Variants in SLC25A25 observed in about 807,000 individuals in gnomAD.
SLC25A25 encodes the protein solute carrier family 25 member 25.
In SLC25A25, 32 loss-of-function variants were observed where a neutral mutation model predicts 57.7. That is an observed-to-expected ratio of 0.55 (90% CI 0.42 to 0.74). The LOEUF is 0.74. Among genes scored for constraint, SLC25A25 ranks in the 30% least tolerant of loss-of-function variants. SLC25A25 has a pLI of 0.00. For synonymous variants in SLC25A25, 306 were observed against 291.2 expected, an observed-to-expected ratio of 1.05 and a Z score of -0.52; for missense variants, 556 against 701.3, an observed-to-expected ratio of 0.79 and a Z score of 2.34.
rs1564200661 is a variant in SLC25A25 at position 128,108,918 on chromosome 9, C to CT, written c.*1478dup. 6.7e-6 allele frequency: 1 copy of CT among 150,216 alleles called. No individual in the cohort carries two copies. The highest frequency in any genetic ancestry group is 1.5e-5 in the Non-Finnish European group (1 of 67,694). 9.3% of individuals were successfully genotyped at this position (150,216 alleles called of 1,614,324 possible). On this transcript the variant is annotated 3_prime_UTR_variant, in exon 11 of 11. Transcript: ENST00000373069. ...GCTGCGAGGGTTTCTTTATTTCACT[C>CT]TTTTCTGAATGTCAAGGCAGTGAGG...
At position 128,102,407 on chromosome 9, in the gene SLC25A25, G is replaced by C; in HGVS notation, c.550G>C (p.Glu184Gln). Residue 184 changes from glutamate to glutamine, a missense_variant, in exon 5 of 11, where the codon GAG becomes CAG. Transcript: ENST00000373069. The surrounding 1 kb of genome is among the most constrained non-coding windows in gnomAD (Gnocchi z 4.1). Reference protein sequence around the residue: ...KNGTMTIDWNEWRDYHLLHPV... With the variant: ...KNGTMTIDWNQWRDYHLLHPV... The stretch of plus-strand genomic sequence containing the variant: ...CGGCACGATGACCATTGACTGGAAC[G>C]AGTGGAGAGACTACCACCTCCTCCA... 6.2e-7 allele frequency: 1 copy of C among 1,613,980 alleles called. No individual in the cohort carries two copies. The highest frequency in any genetic ancestry group is 8.5e-7 in the Non-Finnish European group (1 of 1,179,950).
At position 128,101,243 on chromosome 9, in the gene SLC25A25, T is replaced by C; in HGVS notation, c.388+21T>C. 6.2e-7 allele frequency: 1 copy of C among 1,614,260 alleles called. No individual in the cohort carries two copies. Among genetic ancestry groups the C allele is most frequent in the Non-Finnish European group, 8.5e-7 (1 of 1,180,044 alleles). On this transcript the variant is annotated intron_variant, in intron 2 of 10. Transcript: ENST00000373069. The surrounding 1 kb of genome is among the most constrained non-coding windows in gnomAD (Gnocchi z 4.9). ...TGATGGTAAGTGTTGCCTTCAGAGC[T>C]GTGGCCGGTCCAGCCTCGGGCCTCC...
At chr9:128,093,181 G>A (rs1218359217) in intron 1 of SLC25A25, among the ~76,000 whole-genome samples, 1 of 152,042 alleles carries the variant, frequency 6.6e-6, no homozygotes. Flanking sequence ...GGGCACTGGG[G>A]AGAAGTCTTC....
intron 1 of SLC25A25, among the ~76,000 whole-genome samples, chr9:128,076,767 CCTAA>C: frequency 6.6e-6 from 1 of 152,182 alleles, no homozygotes; most frequent in Middle Eastern, 3.2e-3. Flanking sequence ...CACACCCGGC[CCTAA>C]CTTTTTGTTT....
At chr9:128,082,035 A>T (rs968426239) in intron 1 of SLC25A25, among the ~76,000 whole-genome samples, 23 of 152,350 alleles carry the variant, frequency 1.5e-4, no homozygotes, top group African/African-American at 5.0e-4. Context: ...TATGCCTCTA[A>T]CTTTCTTGTA....
chr9:128,085,482 A>G (rs1180683873), intron 1 of SLC25A25, among the ~76,000 whole-genome samples: 1 of 152,214 alleles, frequency 6.6e-6, no homozygotes, highest in Non-Finnish European at 1.5e-5. Flanking sequence ...TGCAATATAT[A>G]TATTTAAACA....
In SLC25A25 at chr9:128,095,677, G is replaced by A. The variant is rs1453771947; in HGVS notation, c.262-5419G>A. Reference sequence around the variant, plus strand: ...TTTTAAAAATTAGCTGGGTGTGCTCGTGGGCACCTGTAGTCCCAGCTACTC... The same window carrying A: ...TTTTAAAAATTAGCTGGGTGTGCTCATGGGCACCTGTAGTCCCAGCTACTC... On this transcript the variant is annotated intron_variant, in intron 1 of 10. Transcript: ENST00000373069. The surrounding 1 kb of genome is among the most constrained non-coding windows in gnomAD (Gnocchi z 4.4). Among the ~76,000 whole-genome samples the A allele has an allele frequency of 2.0e-5, 3 of 152,166 alleles. No homozygotes were observed. Among genetic ancestry groups the A allele is most frequent in the African/African-American group, 4.8e-5 (2 of 41,448 alleles).
In SLC25A25 at chr9:128,102,313, G is replaced by A; in HGVS notation, c.513-57G>A. 5.9e-6 allele frequency: 9 copies of A among 1,513,966 alleles called. No homozygotes were observed. Among genetic ancestry groups the A allele is most frequent in the Non-Finnish European group, 8.2e-6 (9 of 1,093,434 alleles). 93.8% of individuals were successfully genotyped at this position (1,513,966 alleles called of 1,614,324 possible). Reference sequence around the variant, plus strand: ...CCCTTGGCTCACTGGGAGGTGGGGGGATGCAGCTGGCGGATGGGCATGTGG... The same window carrying A: ...CCCTTGGCTCACTGGGAGGTGGGGGAATGCAGCTGGCGGATGGGCATGTGG... On this transcript the variant is annotated intron_variant, in intron 4 of 10. Coordinates refer to ENST00000373069, the MANE Select transcript of SLC25A25 (RefSeq NM_001330988.2). The surrounding 1 kb of genome is among the most constrained non-coding windows in gnomAD (Gnocchi z 4.1).
chr9:128,080,250 C>A (rs1206135906), intron 1 of SLC25A25, among the ~76,000 whole-genome samples: 50 of 140,788 alleles, frequency 3.6e-4, no homozygotes, highest in African/African-American at 1.1e-3. Flanking sequence ...AACAAAAAAA[C>A]AAAAAAAAAA....
chr9:128,075,793 G>A (rs1057115450), intron 1 of SLC25A25, among the ~76,000 whole-genome samples: 1 of 151,930 alleles, frequency 6.6e-6, no homozygotes, highest in Non-Finnish European at 1.5e-5. Context: ...GCAGTGAGCC[G>A]AGATCGCGCC....
chr9:128,101,201 A>T lies in SLC25A25; in HGVS notation c.367A>T (p.Ser123Cys). 1 of 1,614,264 alleles carries T rather than the reference A, an allele frequency of 6.2e-7. No individual in the cohort carries two copies. Among genetic ancestry groups the T allele is most frequent in the Non-Finnish European group, 8.5e-7 (1 of 1,180,050 alleles). ...HEKKLRLVFK[S>C]LDKKNDGRID... ...GAAGAAGCTGAGGCTGGTGTTTAAG[A>T]GTTTGGACAAAAAGAATGATGGTAA... is the stretch of plus-strand genomic sequence containing the variant. Residue 123 changes from serine to cysteine, a missense_variant, in exon 2 of 11, where the codon AGT becomes TGT. Coordinates refer to ENST00000373069, the MANE Select transcript of SLC25A25 (RefSeq NM_001330988.2). The surrounding 1 kb of genome is among the most constrained non-coding windows in gnomAD (Gnocchi z 4.9).
At chr9:128,093,005 A>G (rs764780671) in intron 1 of SLC25A25, among the ~76,000 whole-genome samples, 26 of 152,234 alleles carry the variant, frequency 1.7e-4, no homozygotes, top group African/African-American at 5.1e-4. Flanking sequence ...GTTATTTTCA[A>G]TCTTTTTACT....
intron 1 of SLC25A25, among the ~76,000 whole-genome samples, chr9:128,085,356 G>A (rs1268766091): frequency 2.6e-5 from 4 of 151,632 alleles, no homozygotes. Context: ...AATTGGAACA[G>A]GTGTGGTGGC....
At chr9:128,073,780 G>T (rs1328256859) in intron 1 of SLC25A25, among the ~76,000 whole-genome samples, 2 of 151,790 alleles carry the variant, frequency 1.3e-5, no homozygotes, top group Non-Finnish European at 2.9e-5. Context: ...TGTCACCCAG[G>T]CTGGAGTGCA....
chr9:128,098,569 G>T (rs1169602133), intron 1 of SLC25A25: 1 of 1,612,148 alleles, frequency 6.2e-7, no homozygotes, highest in East Asian at 2.2e-5. Flanking sequence ...CCGCCAACAT[G>T]CTCTGTCTGT....
intron 6 of SLC25A25, among the ~76,000 whole-genome samples, chr9:128,104,956 A>T (rs1331849057): frequency 6.6e-6 from 1 of 150,874 alleles, no homozygotes; most frequent in East Asian, 1.9e-4. Context: ...ACTGGGTTCA[A>T]GCAATTCTAC....
At chr9:128,092,141 T>C (rs1416263625) in intron 1 of SLC25A25, 1 of 1,565,974 alleles carries the variant, frequency 6.4e-7, no homozygotes, top group Non-Finnish European at 8.7e-7. Flanking sequence ...TCTGGGATCA[T>C]TTTCCTGGGG....
chr9:128,092,477 A>G (rs558013167), intron 1 of SLC25A25, among the ~76,000 whole-genome samples: 28 of 151,968 alleles, frequency 1.8e-4, no homozygotes, highest in African/African-American at 6.3e-4. Context: ...CGTGGAACCC[A>G]GTTGCTTGGA....
intron 1 of SLC25A25, 167 bp from the exon 2 acceptor site, chr9:128,100,929 A>C: frequency 1.1e-6 from 1 of 883,790 alleles, no homozygotes. Flanking sequence ...TCTGGCATGT[A>C]AGTCGATTGC....
Sources: gnomAD v4.1 joint callset for allele counts (sites outside exome capture counted in the v4.1 genomes callset) on GRCh38, gnomAD v4.1.1 for gene constraint, Gnocchi (gnomAD v3.1) non-coding constraint, MANE v1.5 for transcripts, NCBI Gene and HGNC (gene_info 2026-07-23, HGNC 2026-07-21) for gene names.